ATP8A2: variants seen among roughly 807,000 people sequenced by gnomAD.
The protein encoded by ATP8A2 is ATPase phospholipid transporting 8A2.
Under a neutral mutation model 165.6 loss-of-function variants are expected in ATP8A2, and 100 were observed. The observed-to-expected ratio is 0.60, with a 90% CI of 0.51 to 0.71. The LOEUF is 0.71. ATP8A2 is among the 30% of genes least tolerant of loss of function. The pLI is 0.00. For missense variants in ATP8A2, 1,227 were observed against 1,479.5 expected, an observed-to-expected ratio of 0.83 and a Z score of 2.80; for synonymous variants, 543 against 548.8, an observed-to-expected ratio of 0.99 and a Z score of 0.15.
At chr13:25,525,848 T>C (rs1593460574) in intron 2 of ATP8A2, among the ~76,000 whole-genome samples, 1 of 152,178 alleles carries the variant, frequency 6.6e-6, no homozygotes, top group African/African-American at 2.4e-5. Flanking sequence ...TTTATCTCTT[T>C]CTCAAGTTTT....
At chr13:25,404,466 G>C (rs2033734564) in intron 1 of ATP8A2, among the ~76,000 whole-genome samples, 1 of 152,082 alleles carries the variant, frequency 6.6e-6, no homozygotes, top group South Asian at 2.1e-4. Flanking sequence ...TTTGGCCCTG[G>C]TTCACCGTGG....
chr13:25,755,576 G>C (rs763962763), intron 25 of ATP8A2, among the ~76,000 whole-genome samples: 34 of 152,106 alleles, frequency 2.2e-4, no homozygotes, highest in Non-Finnish European at 4.7e-4. Context: ...AATAATTTCA[G>C]TGTGAATATG....
rs774105637 is a variant in ATP8A2, at chr13:25,839,626, T to C, written c.2956+2T>C. The C allele has an allele frequency of 6.2e-7, 1 of 1,612,852 alleles. No homozygotes were observed. The highest frequency in any genetic ancestry group is 2.2e-5 in the East Asian group (1 of 44,868). ...TTCCCATGAAAGCTCTGGAGCATGG[T>C]AAGGGCTGTGTGATTTCACCTGTCA... On this transcript the variant is annotated splice_donor_variant, in intron 30 of 36. Coordinates refer to ENST00000381655, the MANE Select transcript of ATP8A2 (RefSeq NM_016529.6). LOFTEE classifies it high-confidence loss of function.
chr13:25,673,178 A>G (rs1201400511), intron 24 of ATP8A2, among the ~76,000 whole-genome samples: 1 of 152,250 alleles, frequency 6.6e-6, no homozygotes, highest in Admixed American at 6.5e-5. Flanking sequence ...GATGAGGGAC[A>G]GAATGCTTTC....
chr13:25,661,641 T>C (rs1462482093), intron 24 of ATP8A2, among the ~76,000 whole-genome samples: 1 of 152,202 alleles, frequency 6.6e-6, no homozygotes, highest in African/African-American at 2.4e-5. Context: ...GGTCTTTCCT[T>C]GTATTACTTG....
At chr13:25,557,785 G>A (rs540281042) in intron 13 of ATP8A2, among the ~76,000 whole-genome samples, 90 of 152,248 alleles carry the variant, frequency 5.9e-4, no homozygotes, top group Non-Finnish European at 1.0e-3. Context: ...CCTAATTGAG[G>A]ATATGGGGAA....
chr13:25,455,272 T>TTGGCAG (rs1318233439), intron 1 of ATP8A2, among the ~76,000 whole-genome samples: 1 of 152,194 alleles, frequency 6.6e-6, no homozygotes, highest in Non-Finnish European at 1.5e-5. Context: ...TGCTAGTGCG[T>TTGGCAG]TGGCAGTGTA....
chr13:25,774,967 G>A lies in ATP8A2; in HGVS notation c.2679+8G>A. On this transcript the variant is annotated splice_region_variant and intron_variant, in intron 27 of 36. Transcript: ENST00000381655. ...GTCCTGTATATTATTGAGGTAAGAA[G>A]GGGTATTTTTTTTCCTTGAAGAGAA... The A allele has an allele frequency of 6.6e-7, 1 of 1,505,636 alleles. No individual in the cohort carries two copies. Among genetic ancestry groups the A allele is most frequent in the Non-Finnish European group, 9.2e-7 (1 of 1,091,824 alleles). The allele number at this position is 1,505,636 out of a possible 1,614,324, so 93.3% of individuals were successfully genotyped here. A position where few individuals can be genotyped will look rare whatever the true frequency, so the allele number is the denominator to read the frequency against.
At chr13:25,566,522 A>G (rs1318838457) in intron 16 of ATP8A2, among the ~76,000 whole-genome samples, 1 of 152,210 alleles carries the variant, frequency 6.6e-6, no homozygotes, top group Non-Finnish European at 1.5e-5. Flanking sequence ...AGGATGGTGA[A>G]TGGAAAAGGA....
intron 30 of ATP8A2, among the ~76,000 whole-genome samples, chr13:25,846,057 C>T (rs915038761): frequency 1.9e-4 from 29 of 152,066 alleles, no homozygotes; most frequent in Non-Finnish European, 4.0e-4. Context: ...ATGCCTGTAA[C>T]CCCAGCTACT....
At chr13:25,603,341 AT>A (rs1003345319) in intron 24 of ATP8A2, among the ~76,000 whole-genome samples, 6 of 151,540 alleles carry the variant, frequency 4.0e-5, no homozygotes, top group African/African-American at 1.2e-4. Flanking sequence ...TACAAAAAAA[AT>A]TTAGCCAGTG....
chr13:25,676,728 T>C (rs61947310), intron 24 of ATP8A2, among the ~76,000 whole-genome samples: 1,994 of 152,314 alleles, frequency 0.013, 22 homozygotes, highest in Non-Finnish European at 0.02. Context: ...TTTTTGTGTT[T>C]GACTTGATGA....
rs184638682 is a variant in ATP8A2 at position 25,817,477 on chromosome 13, A to G, written c.2680-10641A>G. Among the ~76,000 whole-genome samples, 130 of 152,172 alleles carry G rather than the reference A, an allele frequency of 8.5e-4. 1 individual carries two copies. Among genetic ancestry groups the G allele is most frequent in the African/African-American group, 3.0e-3 (124 of 41,520 alleles). ...AATTAAAGAAAATTTTTAAATGTTT[A>G]CCAGACTTCTTTTTACTAACTTTTG... On this transcript the variant is annotated intron_variant, in intron 27 of 36. Transcript: ENST00000381655.
intron 24 of ATP8A2, among the ~76,000 whole-genome samples, chr13:25,630,404 TC>T (rs2041212739): frequency 6.6e-6 from 1 of 152,194 alleles, no homozygotes; most frequent in Non-Finnish European, 1.5e-5. Flanking sequence ...CTGAGCCCTT[TC>T]CCTTTTCCAT....
At chr13:25,758,844 C>A (rs1003954397) in intron 25 of ATP8A2, among the ~76,000 whole-genome samples, 9 of 151,998 alleles carry the variant, frequency 5.9e-5, no homozygotes, top group Non-Finnish European at 1.2e-4. Flanking sequence ...TATTATTTCC[C>A]GCTATTGAGA....
At chr13:25,849,794 CAGGGGATCCTGGA>C (rs1330705128) in intron 30 of ATP8A2, among the ~76,000 whole-genome samples, 2 of 152,186 alleles carry the variant, frequency 1.3e-5, no homozygotes, top group African/African-American at 2.4e-5. Flanking sequence ...TGCCTTGGGT[CAGGGGATCCTGGA>C]GCCACACATA....
chr13:25,507,265 A>T (rs9581363), intron 2 of ATP8A2, among the ~76,000 whole-genome samples: 33 of 63,298 alleles, frequency 5.2e-4, no homozygotes, highest in African/African-American at 1.9e-3. Flanking sequence ...GTGTGTGTGT[A>T]TTTTGTTGTT....
intron 25 of ATP8A2, among the ~76,000 whole-genome samples, chr13:25,740,638 A>C (rs899771278): frequency 5.9e-5 from 9 of 152,198 alleles, no homozygotes; most frequent in Non-Finnish European, 1.2e-4. Flanking sequence ...TATGGAGTGC[A>C]TGGCCATTGT....
chr13:25,467,854 A>G (rs548671081), intron 1 of ATP8A2, among the ~76,000 whole-genome samples: 1 of 152,264 alleles, frequency 6.6e-6, no homozygotes, highest in Admixed American at 6.5e-5. Context: ...CCCGGCCAAG[A>G]TGTCAGTTTT....
Sources: gnomAD v4.1 joint callset for allele counts (sites outside exome capture counted in the v4.1 genomes callset) on GRCh38, gnomAD v4.1.1 for gene constraint, MANE v1.5 for transcripts, NCBI Gene and HGNC (gene_info 2026-07-23, HGNC 2026-07-21) for gene names.